The following CDH12 variants were observed in gnomAD, a reference collection of about 807,000 sequenced individuals.
The protein encoded by CDH12 is cadherin-12.
Under a neutral mutation model 74.1 loss-of-function variants are expected in CDH12, and 41 were observed. The observed-to-expected ratio is 0.55, with a 90% CI of 0.43 to 0.72. The LOEUF is 0.72. Ranked by LOEUF, CDH12 falls within the 30% of genes least tolerant of loss-of-function variation. CDH12 has a pLI of 0.00. For synonymous variants in CDH12, 399 were observed against 355.0 expected (o/e 1.12, Z -1.39); for missense variants, 945 against 977.2 (o/e 0.97, Z 0.44).
At chr5:22,749,019 G>T (rs1286688480) in intron 1 of CDH12, among the ~76,000 whole-genome samples, 2 of 152,218 alleles carry the variant, frequency 1.3e-5, no homozygotes, top group Admixed American at 6.5e-5. Context: ...GGAAGGTGAG[G>T]AGAGGTGTCG....
At chr5:22,716,174 C>A (rs1270007707) in intron 1 of CDH12, among the ~76,000 whole-genome samples, 1 of 151,912 alleles carries the variant, frequency 6.6e-6, no homozygotes, top group African/African-American at 2.4e-5. Context: ...ACATATAACT[C>A]AATGGACAGC....
intron 4 of CDH12, among the ~76,000 whole-genome samples, chr5:22,198,362 AG>A (rs1446173939): frequency 2.0e-5 from 3 of 151,990 alleles, no homozygotes; most frequent in African/African-American, 7.2e-5. Context: ...ACACCAAATA[AG>A]CATATCGTAT....
chr5:22,829,525 A>C (rs1159716155), intron 1 of CDH12, among the ~76,000 whole-genome samples: 2 of 152,090 alleles, frequency 1.3e-5, no homozygotes, highest in Non-Finnish European at 2.9e-5. Context: ...TGGTCTACTG[A>C]TAGGAGGAGT....
chr5:22,197,761 C>T (rs1448482237), intron 4 of CDH12, among the ~76,000 whole-genome samples: 2 of 152,018 alleles, frequency 1.3e-5, no homozygotes, highest in South Asian at 2.1e-4. Context: ...GGCTCAATGT[C>T]TCCCAAGATG....
chr5:21,846,067 G>C (rs1464934060), intron 7 of CDH12, among the ~76,000 whole-genome samples: 1 of 152,102 alleles, frequency 6.6e-6, no homozygotes, highest in African/African-American at 2.4e-5. Flanking sequence ...AAAGAACTAG[G>C]CAACGTGGCA....
At chr5:22,301,968 C>T (rs1482238937) in intron 3 of CDH12, among the ~76,000 whole-genome samples, 1 of 150,420 alleles carries the variant, frequency 6.6e-6, no homozygotes, top group African/African-American at 2.5e-5. Flanking sequence ...TGCTCCCAGC[C>T]CATCTACTTT....
intron 3 of CDH12, among the ~76,000 whole-genome samples, chr5:22,352,734 T>A (rs1485370523): frequency 1.3e-5 from 2 of 152,170 alleles, no homozygotes; most frequent in African/African-American, 4.8e-5. Flanking sequence ...CTCTTTGAAA[T>A]AGTTAAGTGA....
intron 1 of CDH12, among the ~76,000 whole-genome samples, chr5:22,779,795 T>G (rs1417425261): frequency 1.3e-5 from 2 of 152,202 alleles, no homozygotes; most frequent in African/African-American, 4.8e-5. Flanking sequence ...CATGTGGAAC[T>G]GCAAGTCAGT....
chr5:22,418,124 A>C (rs1743478172), intron 2 of CDH12, among the ~76,000 whole-genome samples: 1 of 152,080 alleles, frequency 6.6e-6, no homozygotes, highest in Non-Finnish European at 1.5e-5. Context: ...GATTTCCTTG[A>C]GAGGTGGTTT....
intron 3 of CDH12, among the ~76,000 whole-genome samples, chr5:22,247,316 C>T (rs1163626723): frequency 2.3e-4 from 1 of 4,268 alleles, no homozygotes; most frequent in Admixed American, 5.3e-3. Context: ...GTCAATGAAG[C>T]CTAGTAAAGC....
chr5:22,111,516 G>A (rs1381651138), intron 4 of CDH12, among the ~76,000 whole-genome samples: 1 of 152,102 alleles, frequency 6.6e-6, no homozygotes, highest in African/African-American at 2.4e-5. Context: ...TTGGTTACAA[G>A]TGAATTTTTT....
intron 9 of CDH12, among the ~76,000 whole-genome samples, chr5:21,802,876 G>C (rs1368360392): frequency 2.0e-5 from 3 of 152,002 alleles, no homozygotes; most frequent in Non-Finnish European, 2.9e-5. Context: ...ACAGAAGCAA[G>C]GTAAACATTT....
chr5:22,610,487 T>C (rs539639165), intron 1 of CDH12, among the ~76,000 whole-genome samples: 1 of 152,258 alleles, frequency 6.6e-6, no homozygotes, highest in South Asian at 2.1e-4. Context: ...TTTATATTAC[T>C]TCCATACTTC....
intron 1 of CDH12, among the ~76,000 whole-genome samples, chr5:22,732,348 C>A (rs1486907415): frequency 6.6e-6 from 1 of 151,734 alleles, no homozygotes; most frequent in Non-Finnish European, 1.5e-5. Flanking sequence ...ATTTTCAAGA[C>A]CTTGTGTCCA....
chr5:22,151,468 T>A (rs1313313849), intron 4 of CDH12, among the ~76,000 whole-genome samples: 1 of 152,182 alleles, frequency 6.6e-6, no homozygotes, highest in African/African-American at 2.4e-5. Flanking sequence ...AAATATCTTA[T>A]CAGTTTTTGT....
At chr5:22,159,863 G>T (rs1191752392) in intron 4 of CDH12, among the ~76,000 whole-genome samples, 1 of 152,064 alleles carries the variant, frequency 6.6e-6, no homozygotes, top group Non-Finnish European at 1.5e-5. Flanking sequence ...ACTGAAAAAG[G>T]CAGCTCTATA....
At chr5:22,621,052 T>G (rs923752574) in intron 1 of CDH12, among the ~76,000 whole-genome samples, 4 of 152,200 alleles carry the variant, frequency 2.6e-5, no homozygotes, top group African/African-American at 9.6e-5. Context: ...TTGCATTTAC[T>G]TCTAGAGGTT....
chr5:22,127,488 A>AC (rs2150283238), intron 4 of CDH12, among the ~76,000 whole-genome samples: 1 of 117,230 alleles, frequency 8.5e-6, no homozygotes, highest in South Asian at 2.6e-4. Flanking sequence ...GAAAAAAAAA[A>AC]AAAAAAGAGA....
At chr5:22,123,466 G>A (rs1745642456) in intron 4 of CDH12, among the ~76,000 whole-genome samples, 1 of 152,150 alleles carries the variant, frequency 6.6e-6, no homozygotes, top group Non-Finnish European at 1.5e-5. Flanking sequence ...ACTAATTCGG[G>A]AAGTCAAGAT....
Sources: allele counts gnomAD v4.1 joint callset (sites outside exome capture counted in the v4.1 genomes callset), GRCh38; gene constraint gnomAD v4.1.1; transcripts MANE v1.5; gene names NCBI Gene and HGNC (gene_info 2026-07-23, HGNC 2026-07-21).